The following ARHGEF38 variants were observed in gnomAD, a reference collection of about 807,000 sequenced individuals.
ARHGEF38 encodes the protein Rho guanine nucleotide exchange factor 38.
A neutral mutation model predicts 79.9 loss-of-function variants in ARHGEF38; 79 were observed. The observed-to-expected ratio is 0.99, with a 90% CI of 0.82 to 1.19. The LOEUF is 1.19. ARHGEF38 is among the 50% of genes most tolerant of loss of function. ARHGEF38 has a pLI of 0.00. For synonymous variants in ARHGEF38, 366 were observed against 328.3 expected (o/e 1.11, Z -1.24); for missense variants, 962 against 907.2 (o/e 1.06, Z -0.78).
At chr4:105,638,732 CTCATTCA>C (rs58998475) in intron 5 of ARHGEF38, among the ~76,000 whole-genome samples, 48,905 of 151,490 alleles carry the variant, frequency 0.32, 10,788 homozygotes, top group African/African-American at 0.63. Flanking sequence ...GACTTGCTAC[CTCATTCA>C]TCATCAATAT....
In ARHGEF38 at chr4:105,667,174, T is replaced by G; in HGVS notation, c.1735T>G (p.Ser579Ala). 1 of 1,535,902 alleles carries G rather than the reference T, an allele frequency of 6.5e-7. No individual in the cohort carries two copies. The highest frequency in any genetic ancestry group is 8.7e-7 in the Non-Finnish European group (1 of 1,146,864). The change falls in exon 12 of 14, where the codon TCC becomes GCC. Residue 579 changes from serine (S) to alanine (A), a missense_variant. Coordinates refer to ENST00000420470, the MANE Select transcript of ARHGEF38 (RefSeq NM_001242729.2). ...TGACATTCATCGCTCCAAACTTCTA[T>G]CCACATATAGTGCAGAGGAACTCTA... The part of the protein sequence containing the change: ...QTDIHRSKLL[S>A]TYSAEELYQA...
Position 105,659,185 on chromosome 4 carries a change from G to A in ARHGEF38, c.1365G>A (p.Thr455=), listed in dbSNP as rs191767409. 3.0e-3 allele frequency: 4,542 copies of A among 1,536,148 alleles called. 13 individuals carry two copies. The highest frequency in any genetic ancestry group is 6.0e-3 in the Middle Eastern group (36 of 5,988). ...GCAACAGCTACCTGCAGCGATCAAC[G>A]GGAGAGGAGTCAGACTTGGCCAAAA... ...LDCNSYLQRS[T]GEESDLAKKE... is the part of the protein sequence containing the mutation. Residue 455 remains threonine, a synonymous_variant, in exon 10 of 14, where the codon ACG becomes ACA. Coordinates refer to ENST00000420470, the MANE Select transcript of ARHGEF38 (RefSeq NM_001242729.2).
chr4:105,595,169 G>C (rs1412641130), intron 2 of ARHGEF38, among the ~76,000 whole-genome samples: 1 of 152,046 alleles, frequency 6.6e-6, no homozygotes, highest in Non-Finnish European at 1.5e-5. Flanking sequence ...CAGCTACTCG[G>C]TTTCCTCCCC....
chr4:105,618,678 G>C (rs1728614209), intron 3 of ARHGEF38, among the ~76,000 whole-genome samples: 1 of 152,116 alleles, frequency 6.6e-6, no homozygotes, highest in African/African-American at 2.4e-5. Flanking sequence ...AAACACCACA[G>C]TCAACTATTG....
At chr4:105,562,125 C>T (rs1346090629) in intron 1 of ARHGEF38, among the ~76,000 whole-genome samples, 1 of 152,076 alleles carries the variant, frequency 6.6e-6, no homozygotes, top group Non-Finnish European at 1.5e-5. Context: ...AGGCAGAGAG[C>T]CCTTCCTGCA....
At chr4:105,612,581 T>C (rs898007718) in intron 2 of ARHGEF38, among the ~76,000 whole-genome samples, 6 of 152,114 alleles carry the variant, frequency 3.9e-5, no homozygotes, top group African/African-American at 1.2e-4. Flanking sequence ...GAGATCCAAC[T>C]TAAACTAAAG....
intron 1 of ARHGEF38, among the ~76,000 whole-genome samples, chr4:105,577,705 T>C (rs978799604): frequency 6.6e-6 from 1 of 152,246 alleles, no homozygotes; most frequent in Admixed American, 6.5e-5. Flanking sequence ...GGTTTTCTAG[T>C]TTGTGTGCCT....
chr4:105,625,290 C>T (rs1463743979), intron 3 of ARHGEF38, among the ~76,000 whole-genome samples: 1 of 152,124 alleles, frequency 6.6e-6, no homozygotes, highest in Non-Finnish European at 1.5e-5. Flanking sequence ...ATCAGGATTT[C>T]TCCCAAAATA....
chr4:105,601,268 T>C (rs1190101085), intron 2 of ARHGEF38, among the ~76,000 whole-genome samples: 1 of 152,184 alleles, frequency 6.6e-6, no homozygotes, highest in Non-Finnish European at 1.5e-5. Context: ...TCTTTGTTCT[T>C]GCTGTTTTCT....
intron 4 of ARHGEF38, chr4:105,631,247 A>G: frequency 8.1e-7 from 1 of 1,241,386 alleles, no homozygotes; most frequent in East Asian, 3.4e-5. Flanking sequence ...AATGACTAAA[A>G]ATAACATGGA....
At chr4:105,560,745 A>G (rs986697671) in intron 1 of ARHGEF38, among the ~76,000 whole-genome samples, 1 of 152,212 alleles carries the variant, frequency 6.6e-6, no homozygotes. Context: ...CTTAAAGAAG[A>G]AAACTTAAAG....
intron 9 of ARHGEF38, among the ~76,000 whole-genome samples, chr4:105,658,346 G>A (rs1730422176): frequency 6.6e-6 from 1 of 152,106 alleles, no homozygotes; most frequent in Non-Finnish European, 1.5e-5. Flanking sequence ...GCTGCAGTGA[G>A]CTGAGAAAGT....
intron 10 of ARHGEF38, among the ~76,000 whole-genome samples, chr4:105,664,889 T>C (rs954245870): frequency 1.3e-5 from 2 of 152,172 alleles, no homozygotes; most frequent in African/African-American, 4.8e-5. Flanking sequence ...AGGAAATAAA[T>C]ATCCTTATCT....
intron 2 of ARHGEF38, among the ~76,000 whole-genome samples, chr4:105,593,564 A>T (rs545296197): frequency 1.9e-4 from 29 of 152,296 alleles, no homozygotes; most frequent in African/African-American, 6.5e-4. Context: ...ACAGACAGAC[A>T]AAAACATCAA....
intron 7 of ARHGEF38, among the ~76,000 whole-genome samples, chr4:105,651,213 A>G (rs1730090057): frequency 6.6e-6 from 1 of 152,178 alleles, no homozygotes; most frequent in South Asian, 2.1e-4. Context: ...TATTAATTAG[A>G]TTTTTCCCCT....
rs1374249470 is a variant in ARHGEF38 at position 105,648,844 on chromosome 4, CTCTT to C, written c.1008+166_1008+169del. 3.0e-3 allele frequency among the ~76,000 whole-genome samples: 456 copies of C among 150,280 alleles called. 1 individual carries two copies. The highest frequency in any genetic ancestry group is 0.011 in the African/African-American group (432 of 40,280). On this transcript the variant is annotated intron_variant, in intron 7 of 13. Transcript: ENST00000420470. ...CCTCTCTCTCTCTCTCTCTCTCTCT[CTCTT>C]TCTCTCTCTCTCTCTCTCTCTCTGG...
chr4:105,596,034 A>G (rs1727562509), intron 2 of ARHGEF38, among the ~76,000 whole-genome samples: 1 of 152,210 alleles, frequency 6.6e-6, no homozygotes. Flanking sequence ...ACTTATTAAA[A>G]TAAGGGACCA....
chr4:105,670,977 A>G (rs571370536), intron 13 of ARHGEF38, among the ~76,000 whole-genome samples: 1 of 152,248 alleles, frequency 6.6e-6, no homozygotes, highest in African/African-American at 2.4e-5. Context: ...CTTCAAAGCA[A>G]TTTTCTCCAA....
At chr4:105,677,498 A>G (rs1731164328) in intron 13 of ARHGEF38, among the ~76,000 whole-genome samples, 1 of 152,210 alleles carries the variant, frequency 6.6e-6, no homozygotes, top group African/African-American at 2.4e-5. Flanking sequence ...AAATCTTTTA[A>G]TAGAAACTGC....
Sources: gnomAD v4.1 joint callset for allele counts (sites outside exome capture counted in the v4.1 genomes callset) on GRCh38, gnomAD v4.1.1 for gene constraint, MANE v1.5 for transcripts, NCBI Gene and HGNC (gene_info 2026-07-23, HGNC 2026-07-21) for gene names.